ABCA12: variants seen among roughly 807,000 people sequenced by gnomAD.
ABCA12 encodes the protein ATP binding cassette subfamily A member 12, also known as glucosylceramide transporter ABCA12.
In ABCA12, 156 loss-of-function variants were observed where a neutral mutation model predicts 293.5. The observed-to-expected ratio is 0.53, with a 90% CI of 0.47 to 0.61. The LOEUF is 0.61. Among genes scored for constraint, ABCA12 ranks in the 20% least tolerant of loss-of-function variants. The pLI is 0.00. For synonymous variants in ABCA12, 1,063 were observed against 1,108.0 expected (o/e 0.96, Z 0.81); for missense variants, 2,797 against 3,090.2 (o/e 0.91, Z 2.25).
Position 215,011,465 on chromosome 2 carries a change from G to A in ABCA12, c.2306C>T (p.Ser769Leu). The A allele has an allele frequency of 6.2e-7, 1 of 1,613,682 alleles. No individual in the cohort carries two copies. The highest frequency in any genetic ancestry group is 8.5e-7 in the Non-Finnish European group (1 of 1,179,702). The change falls in exon 17 of 53, where the codon TCA becomes TTA. Residue 769 changes from serine (S) to leucine (L), a missense_variant. By Grantham distance (145) the Ser-to-Leu change is moderately radical. Coordinates refer to ENST00000272895, the MANE Select transcript of ABCA12 (RefSeq NM_173076.3). ...GGAATTTATGGGAATTCCATATTTT[G>A]AAGCAATTTGCTCTTTAGTTAATTT... ...TYKLTKEQIASKYGIPINSTP... is the reference protein window; with the variant it reads ...TYKLTKEQIALKYGIPINSTP...
intron 39 of ABCA12, chr2:214,962,258 G>A (rs1699134746): frequency 6.6e-6 from 1 of 152,146 alleles, no homozygotes. Context: ...CTCAACTGAA[G>A]TAGGCATGGC....
At position 215,049,766 on chromosome 2, in the gene ABCA12, A is replaced by G. The variant is rs753464580; in HGVS notation, c.553T>C (p.Cys185Arg). The change falls in exon 6 of 53, where the codon TGT becomes CGT. Residue 185 changes from cysteine to arginine, a missense_variant. By Grantham distance (180) the Cys-to-Arg change is radical (BLOSUM62 -3). Around this residue, in one of 3 missense-constraint regions of ABCA12, gnomAD observed 656 missense variants for 638.2 expected, o/e 1.03. Coordinates refer to ENST00000272895, the MANE Select transcript of ABCA12 (RefSeq NM_173076.3). ...ACAATGTATCCTGAATAGCTGTCACATAGTTCTCTTCGTATATCTTCTGAA... is the reference window on the plus strand; with the variant it reads ...ACAATGTATCCTGAATAGCTGTCACGTAGTTCTCTTCGTATATCTTCTGAA... Reference protein sequence around the residue: ...STSEDIRRELCDSYSGYIVDD... With the variant: ...STSEDIRRELRDSYSGYIVDD... The G allele has an allele frequency of 6.8e-6, 11 of 1,613,512 alleles. No individual in the cohort carries two copies. The highest frequency in any genetic ancestry group is 1.1e-5 in the South Asian group (1 of 91,074).
Position 215,138,287 on chromosome 2 carries a change from G to A in ABCA12, c.-79C>T. ...GAAGAACTGATGCCCCGTCCAACTTGCTGTATGTCAGTGTATCAGTACCCC... is the reference window on the plus strand; with the variant it reads ...GAAGAACTGATGCCCCGTCCAACTTACTGTATGTCAGTGTATCAGTACCCC... On this transcript the variant is annotated 5_prime_UTR_variant, in exon 1 of 53. Transcript: ENST00000272895. The A allele has an allele frequency of 2.0e-6, 3 of 1,474,698 alleles. No homozygotes were observed. The highest frequency in any genetic ancestry group is 2.8e-6 in the Non-Finnish European group (3 of 1,053,400). 91.4% of individuals were successfully genotyped at this position (1,474,698 alleles called of 1,614,324 possible).
intron 37 of ABCA12, among the ~76,000 whole-genome samples, chr2:214,969,982 T>C (rs535158899): frequency 1.3e-5 from 2 of 152,008 alleles, no homozygotes; most frequent in South Asian, 4.1e-4. Context: ...CCTCTCCAAG[T>C]TGGTATAAGT....
At chr2:215,060,075 T>A (rs74353448) in intron 3 of ABCA12, among the ~76,000 whole-genome samples, 1,611 of 152,190 alleles carry the variant, frequency 0.011, 19 homozygotes, top group African/African-American at 0.037. Context: ...GTAAGATCCA[T>A]ATTCCTCAGG....
At chr2:215,085,112 AAAAC>A (rs1248035792) in intron 2 of ABCA12, among the ~76,000 whole-genome samples, 1 of 151,898 alleles carries the variant, frequency 6.6e-6, no homozygotes, top group East Asian at 1.9e-4. Flanking sequence ...AAAAACAGAA[AAAAC>A]AAACAAACAA....
intron 2 of ABCA12, among the ~76,000 whole-genome samples, chr2:215,074,190 T>C (rs1701791413): frequency 6.6e-6 from 1 of 152,166 alleles, no homozygotes; most frequent in Admixed American, 6.5e-5. Context: ...GCTGAAAAGA[T>C]GCCTGGAATT....
Position 214,990,829 on chromosome 2 carries a change from C to T in ABCA12, c.3497G>A (p.Ser1166Asn), listed in dbSNP as rs1428916438. ...FSVIAMSYLI[S>N]VFFNNTNIAA... ...AATGTTGGTGTTGTTGAAGAAGACA[C>T]TGATAAGATAGCTCATGGCAATAAC... Residue 1166 changes from serine (S) to asparagine (N), a missense_variant, in exon 24 of 53, where the codon AGT (serine) becomes AAT (asparagine). Coordinates refer to ENST00000272895, the MANE Select transcript of ABCA12 (RefSeq NM_173076.3). 4 of 1,614,082 alleles carry T rather than the reference C, an allele frequency of 2.5e-6. No homozygotes were observed. Among genetic ancestry groups the T allele is most frequent in the South Asian group, 1.1e-5 (1 of 91,076 alleles).
intron 28 of ABCA12, among the ~76,000 whole-genome samples, chr2:214,984,666 TC>T (rs1385656082): frequency 6.6e-6 from 1 of 152,130 alleles, no homozygotes; most frequent in African/African-American, 2.4e-5. Flanking sequence ...TTTGCCTCTT[TC>T]CCCATGTGAT....
At chr2:215,013,561 C>T (rs190344752) in intron 15 of ABCA12, 1 of 154,378 alleles carries the variant, frequency 6.5e-6, no homozygotes, top group Non-Finnish European at 1.5e-5. Flanking sequence ...TGCAGTTCTG[C>T]CAGAATTCTA....
At chr2:214,959,149 A>G in intron 39 of ABCA12, 71 bp from the exon 40 acceptor site, 1 of 1,243,722 alleles carries the variant, frequency 8.0e-7, no homozygotes, top group South Asian at 1.2e-5. Flanking sequence ...TAGATGAATA[A>G]TATTCAACAC....
At chr2:215,035,195 T>C (rs1239255888) in intron 8 of ABCA12, among the ~76,000 whole-genome samples, 2 of 152,250 alleles carry the variant, frequency 1.3e-5, no homozygotes, top group Non-Finnish European at 2.9e-5. Context: ...GGTAGGGTTT[T>C]GAAGTTAGTA....
chr2:214,949,193 C>T (rs1400081998), intron 45 of ABCA12, 44 bp from the exon 46 acceptor site: 1 of 1,368,082 alleles, frequency 7.3e-7, no homozygotes, highest in Admixed American at 1.7e-5. Flanking sequence ...TAATCCAAAC[C>T]AATGAGACAT....
chr2:215,049,873 C>T, intron 5 of ABCA12, 62 bp from the exon 6 acceptor site: 1 of 1,472,350 alleles, frequency 6.8e-7, no homozygotes. Context: ...TTCAAATATT[C>T]TATTCTTCAA....
At chr2:215,109,389 T>C (rs1702525004) in intron 2 of ABCA12, among the ~76,000 whole-genome samples, 1 of 152,224 alleles carries the variant, frequency 6.6e-6, no homozygotes. Context: ...TTCTCATTTG[T>C]AAAGTGAGAG....
chr2:215,130,484 G>A (rs530361387), intron 1 of ABCA12, among the ~76,000 whole-genome samples: 47 of 151,886 alleles, frequency 3.1e-4, no homozygotes, highest in African/African-American at 8.4e-4. Flanking sequence ...TTTTTTGTGC[G>A]GCTATTTTAA....
chr2:215,057,984 T>A (rs559866443), intron 3 of ABCA12, among the ~76,000 whole-genome samples: 9 of 152,120 alleles, frequency 5.9e-5, no homozygotes, highest in African/African-American at 2.2e-4. Flanking sequence ...AAACCAGGGA[T>A]TATGGTACAT....
At chr2:215,019,833 T>C (rs1201178950) in intron 11 of ABCA12, 37 bp from the exon 12 acceptor site, 4 of 1,601,180 alleles carry the variant, frequency 2.5e-6, no homozygotes, top group Middle Eastern at 4.2e-4. Flanking sequence ...AATAGATTAG[T>C]TACATTTTTC....
intron 13 of ABCA12, among the ~76,000 whole-genome samples, chr2:215,018,410 C>A (rs1231935592): frequency 6.6e-6 from 1 of 152,168 alleles, no homozygotes; most frequent in East Asian, 1.9e-4. Context: ...GGAAAATATG[C>A]TTTCCTCACA....
Sources: gnomAD v4.1 joint callset for allele counts (sites outside exome capture counted in the v4.1 genomes callset) on GRCh38, gnomAD v4.1.1 for gene constraint, gnomAD v4.1.1 regional missense constraint, MANE v1.5 for transcripts, NCBI Gene and HGNC (gene_info 2026-07-23, HGNC 2026-07-21) for gene names.